The following NRG3 variants were observed in gnomAD, a reference collection of about 807,000 sequenced individuals.
The protein encoded by NRG3 is neuregulin 3, also known as pro-neuregulin-3, membrane-bound isoform.
Under a neutral mutation model 66.9 loss-of-function variants are expected in NRG3, and 31 were observed. The observed-to-expected ratio is 0.46, with a 90% CI of 0.35 to 0.63. NRG3 has a LOEUF of 0.63. Among genes scored for constraint, NRG3 ranks in the 20% least tolerant of loss-of-function variants. NRG3 has a pLI of 0.00. For missense variants in NRG3, 910 were observed against 878.9 expected, an observed-to-expected ratio of 1.04 and a Z score of -0.45; for synonymous variants, 393 against 359.4, an observed-to-expected ratio of 1.09 and a Z score of -1.06.
intron 1 of NRG3, among the ~76,000 whole-genome samples, chr10:82,172,920 C>T (rs2072741038): frequency 6.6e-6 from 1 of 151,948 alleles, no homozygotes; most frequent in South Asian, 2.1e-4. Context: ...GTAAAATTAC[C>T]TCTCTCTCTA....
intron 1 of NRG3, among the ~76,000 whole-genome samples, chr10:81,961,614 C>T (rs1013044473): frequency 1.3e-5 from 2 of 152,318 alleles, no homozygotes; most frequent in Admixed American, 6.5e-5. Context: ...ACACTTTTCC[C>T]ATCCTGTGCA....
intron 2 of NRG3, among the ~76,000 whole-genome samples, chr10:82,528,763 C>G (rs1420044425): frequency 6.6e-6 from 1 of 151,844 alleles, no homozygotes; most frequent in African/African-American, 2.4e-5. Flanking sequence ...TGGCTTTTTT[C>G]TATTAGTGAG....
intron 3 of NRG3, among the ~76,000 whole-genome samples, chr10:82,847,560 T>C (rs575566972): frequency 6.6e-6 from 1 of 152,192 alleles, no homozygotes; most frequent in Non-Finnish European, 1.5e-5. Context: ...AATGCGAATA[T>C]CTTTTCCCAC....
intron 1 of NRG3, among the ~76,000 whole-genome samples, chr10:82,343,496 T>A (rs2082794041): frequency 6.6e-6 from 1 of 152,072 alleles, no homozygotes; most frequent in South Asian, 2.1e-4. Flanking sequence ...TTCAACACCA[T>A]TTGATTACAT....
At chr10:82,756,565 C>T (rs1572331) in intron 3 of NRG3, among the ~76,000 whole-genome samples, 14,188 of 152,024 alleles carry the variant, frequency 0.093, 867 homozygotes, top group Middle Eastern at 0.18. Context: ...GTACATTTCA[C>T]AAGTAAGTAC....
chr10:82,284,053 A>G (rs2079271884), intron 1 of NRG3, among the ~76,000 whole-genome samples: 1 of 152,212 alleles, frequency 6.6e-6, no homozygotes, highest in Non-Finnish European at 1.5e-5. Flanking sequence ...AGTTGTTCCA[A>G]TACAGACTGC....
chr10:82,659,369 T>C (rs1414650279), intron 2 of NRG3, among the ~76,000 whole-genome samples: 1 of 152,164 alleles, frequency 6.6e-6, no homozygotes, highest in Non-Finnish European at 1.5e-5. Flanking sequence ...CACATTAAAA[T>C]ATTCTAGGCT....
chr10:82,066,230 T>G (rs1487910022), intron 1 of NRG3, among the ~76,000 whole-genome samples: 3 of 151,710 alleles, frequency 2.0e-5, no homozygotes, highest in Non-Finnish European at 4.4e-5. Context: ...CTTGGGAATA[T>G]TCTTAGTACA....
intron 1 of NRG3, among the ~76,000 whole-genome samples, chr10:82,266,580 A>C (rs1057182725): frequency 3.3e-5 from 5 of 152,278 alleles, no homozygotes; most frequent in Admixed American, 1.3e-4. Context: ...ACTATGTCTC[A>C]TTACTAAAGG....
intron 2 of NRG3, among the ~76,000 whole-genome samples, chr10:82,704,498 C>T (rs1251824636): frequency 6.6e-6 from 1 of 152,136 alleles, no homozygotes; most frequent in Non-Finnish European, 1.5e-5. Flanking sequence ...TCTAATTCTT[C>T]CAGTTTACCA....
At chr10:82,362,650 A>G (rs777397989) in intron 2 of NRG3, among the ~76,000 whole-genome samples, 15 of 147,166 alleles carry the variant, frequency 1.0e-4, no homozygotes, top group Non-Finnish European at 1.8e-4. Context: ...TCAGCTTCCT[A>G]AAATGTTGGG....
intron 2 of NRG3, among the ~76,000 whole-genome samples, chr10:82,425,879 T>C (rs947112167): frequency 6.6e-6 from 1 of 152,186 alleles, no homozygotes; most frequent in Non-Finnish European, 1.5e-5. Flanking sequence ...AGCCTGTTAT[T>C]ATAGAAGAGT....
intron 1 of NRG3, among the ~76,000 whole-genome samples, chr10:82,292,789 A>C (rs2079822730): frequency 1.3e-5 from 2 of 152,210 alleles, no homozygotes; most frequent in Admixed American, 1.3e-4. Context: ...TCTTGAAATG[A>C]CCAAAATATA....
At chr10:82,933,398 T>C (rs1225414971) in intron 4 of NRG3, among the ~76,000 whole-genome samples, 1 of 152,176 alleles carries the variant, frequency 6.6e-6, no homozygotes, top group Non-Finnish European at 1.5e-5. Context: ...CCTAATGTCT[T>C]CTCTGAGGCC....
chr10:82,316,657 G>A (rs891086220), intron 1 of NRG3, among the ~76,000 whole-genome samples: 2 of 152,092 alleles, frequency 1.3e-5, no homozygotes, highest in African/African-American at 4.8e-5. Context: ...TGACAGAAAC[G>A]GGCTAAGATT....
At chr10:81,940,377 C>T (rs1848301600) in intron 1 of NRG3, among the ~76,000 whole-genome samples, 2 of 151,996 alleles carry the variant, frequency 1.3e-5, no homozygotes, top group African/African-American at 4.8e-5. Flanking sequence ...GAGTCAGTTT[C>T]ACTCTATTTC....
At chr10:82,409,236 C>A (rs563893955) in intron 2 of NRG3, among the ~76,000 whole-genome samples, 11 of 152,124 alleles carry the variant, frequency 7.2e-5, no homozygotes, top group Non-Finnish European at 1.2e-4. Flanking sequence ...TTTATTTGTA[C>A]AGAAGAACAC....
At chr10:82,609,086 CTTT>C (rs1273752609) in intron 2 of NRG3, among the ~76,000 whole-genome samples, 4 of 151,926 alleles carry the variant, frequency 2.6e-5, no homozygotes, top group Non-Finnish European at 5.9e-5. Context: ...TCTCATAATC[CTTT>C]TTTTACTAAC....
At chr10:82,121,261 AT>A (rs2068070780) in intron 1 of NRG3, among the ~76,000 whole-genome samples, 1 of 152,030 alleles carries the variant, frequency 6.6e-6, no homozygotes. Context: ...TTGGTCCTCA[AT>A]TTCACCCACC....
Sources: allele counts gnomAD v4.1 joint callset (sites outside exome capture counted in the v4.1 genomes callset), GRCh38; gene constraint gnomAD v4.1.1; transcripts MANE v1.5; gene names NCBI Gene and HGNC (gene_info 2026-07-23, HGNC 2026-07-21).